TAFA4: variants seen among roughly 807,000 people sequenced by gnomAD.
TAFA4 encodes TAFA chemokine like family member 4, also known as chemokine-like protein TAFA-4.
A neutral mutation model predicts 21.1 loss-of-function variants in TAFA4; 20 were observed. That is an observed-to-expected ratio of 0.95 (90% CI 0.67 to 1.38). TAFA4 has a LOEUF of 1.38. Among genes scored for constraint, TAFA4 ranks in the 40% most tolerant of loss-of-function variants. The pLI, the probability that TAFA4 is intolerant of heterozygous loss-of-function variation, is 0.00. For synonymous variants in TAFA4, 71 were observed against 67.4 expected (o/e 1.05, Z -0.26); for missense variants, 211 against 180.9 (o/e 1.17, Z -0.95).
intron 1 of TAFA4, among the ~76,000 whole-genome samples, chr3:68,925,513 A>G (rs1012594178): frequency 1.2e-4 from 19 of 152,310 alleles, no homozygotes; most frequent in African/African-American, 4.6e-4. Flanking sequence ...TATGGCTTTC[A>G]GACTACTTAA....
intron 3 of TAFA4, among the ~76,000 whole-genome samples, chr3:68,776,868 A>T (rs1703057988): frequency 6.6e-6 from 1 of 152,178 alleles, no homozygotes; most frequent in Non-Finnish European, 1.5e-5. Context: ...AACCATTTGG[A>T]AATTAAGCAA....
intron 3 of TAFA4, among the ~76,000 whole-genome samples, chr3:68,876,262 C>A (rs1248516933): frequency 1.3e-5 from 2 of 152,100 alleles, no homozygotes; most frequent in African/African-American, 2.4e-5. Flanking sequence ...TTATAACATG[C>A]AAAATTACAT....
chr3:68,920,070 T>A (rs1394501333), intron 1 of TAFA4, among the ~76,000 whole-genome samples: 1 of 152,182 alleles, frequency 6.6e-6, no homozygotes, highest in Non-Finnish European at 1.5e-5. Context: ...CATCATACTC[T>A]CTGTAGTAGA....
At chr3:68,897,636 AAAT>A (rs201431923) in intron 1 of TAFA4, among the ~76,000 whole-genome samples, 42 of 144,950 alleles carry the variant, frequency 2.9e-4, no homozygotes, top group African/African-American at 9.4e-4. Context: ...CAAAAAAAAA[AAAT>A]ATTTATTTTT....
At chr3:68,909,792 T>C (rs955551650) in intron 1 of TAFA4, among the ~76,000 whole-genome samples, 2 of 152,246 alleles carry the variant, frequency 1.3e-5, no homozygotes, top group African/African-American at 2.4e-5. Flanking sequence ...TCAAGTAATA[T>C]ACATTTGTTA....
At chr3:68,838,174 A>T (rs1481921607) in intron 3 of TAFA4, among the ~76,000 whole-genome samples, 1 of 152,068 alleles carries the variant, frequency 6.6e-6, no homozygotes, top group Non-Finnish European at 1.5e-5. Context: ...ACAGCAAAAA[A>T]CCCAATAACT....
intron 3 of TAFA4, among the ~76,000 whole-genome samples, chr3:68,807,301 T>C (rs1477881840): frequency 6.6e-6 from 1 of 152,202 alleles, no homozygotes; most frequent in East Asian, 1.9e-4. Flanking sequence ...AAGCTGAAGC[T>C]GATAGTTCAT....
chr3:68,893,281 T>C (rs1443282085), intron 1 of TAFA4, among the ~76,000 whole-genome samples: 1 of 152,204 alleles, frequency 6.6e-6, no homozygotes, highest in African/African-American at 2.4e-5. Flanking sequence ...TAAAAAATAT[T>C]TGTAAACATT....
chr3:68,778,978 T>C (rs1421531373), intron 3 of TAFA4, among the ~76,000 whole-genome samples: 1 of 152,208 alleles, frequency 6.6e-6, no homozygotes, highest in African/African-American at 2.4e-5. Flanking sequence ...TAAAGACTTG[T>C]TGAATGGCTT....
At chr3:68,902,228 C>T (rs1256654201) in intron 1 of TAFA4, among the ~76,000 whole-genome samples, 1 of 148,828 alleles carries the variant, frequency 6.7e-6, no homozygotes, top group African/African-American at 2.4e-5. Context: ...GAATATGAAG[C>T]CAGGTTCCCA....
chr3:68,829,370 C>A (rs1276195811), intron 3 of TAFA4, among the ~76,000 whole-genome samples: 2 of 152,122 alleles, frequency 1.3e-5, no homozygotes, highest in Admixed American at 6.5e-5. Context: ...TCCATCAATA[C>A]CTGGTTTATT....
At position 68,843,101 on chromosome 3, in the gene TAFA4, G is replaced by A. The variant is rs145149241; in HGVS notation, c.130+37629C>T. ...TCAATGGTGGTTTGTTGGGGATAGC[G>A]TTGAATCTATAATTACTTTGGGCAG... On this transcript the variant is annotated intron_variant, in intron 3 of 5. Transcript: ENST00000295569. Among the ~76,000 whole-genome samples, 38 of 152,166 alleles carry A rather than the reference G, an allele frequency of 2.5e-4. 2 individuals are homozygous for A. The South Asian group carries it at 4.8e-3, about 19-fold the overall frequency.
At chr3:68,800,445 T>C (rs1703553020) in intron 3 of TAFA4, among the ~76,000 whole-genome samples, 2 of 152,156 alleles carry the variant, frequency 1.3e-5, no homozygotes, top group Admixed American at 1.3e-4. Flanking sequence ...ACAATCTGAG[T>C]ATAAAACACA....
At chr3:68,769,752 C>T (rs181023183) in intron 3 of TAFA4, among the ~76,000 whole-genome samples, 19 of 152,164 alleles carry the variant, frequency 1.2e-4, no homozygotes, top group East Asian at 7.7e-4. Context: ...GAAATCCCAC[C>T]GAGTAGCATC....
chr3:68,909,515 T>C (rs1267124307), intron 1 of TAFA4, among the ~76,000 whole-genome samples: 2 of 152,084 alleles, frequency 1.3e-5, no homozygotes, highest in African/African-American at 2.4e-5. Context: ...AAATGGAACA[T>C]AAACACCTCA....
chr3:68,846,597 A>C (rs902390633), intron 3 of TAFA4, among the ~76,000 whole-genome samples: 2 of 152,244 alleles, frequency 1.3e-5, no homozygotes, highest in East Asian at 1.9e-4. Flanking sequence ...GAGAAGAGGC[A>C]TTCTGGTTTT....
At chr3:68,813,901 G>A (rs1010689661) in intron 3 of TAFA4, among the ~76,000 whole-genome samples, 15 of 152,116 alleles carry the variant, frequency 9.9e-5, no homozygotes, top group African/African-American at 3.1e-4. Context: ...GATGAACATC[G>A]AGGCAAAAAT....
intron 3 of TAFA4, among the ~76,000 whole-genome samples, chr3:68,772,186 T>C (rs971541351): frequency 6.6e-6 from 1 of 152,230 alleles, no homozygotes; most frequent in Non-Finnish European, 1.5e-5. Context: ...CGAAGAGCCT[T>C]GATCATCCAT....
chr3:68,914,380 T>C (rs1453626606), intron 1 of TAFA4, among the ~76,000 whole-genome samples: 8 of 152,212 alleles, frequency 5.3e-5, no homozygotes, highest in Admixed American at 5.2e-4. Flanking sequence ...GCATGCTATG[T>C]GAGTTGTGGT....
Sources: allele counts gnomAD v4.1 joint callset (sites outside exome capture counted in the v4.1 genomes callset), GRCh38; gene constraint gnomAD v4.1.1; transcripts MANE v1.5; gene names NCBI Gene and HGNC (gene_info 2026-07-23, HGNC 2026-07-21).